The following PDZD8 variants were observed in gnomAD, a reference collection of about 807,000 sequenced individuals.
The protein encoded by PDZD8 is PDZ domain-containing protein 8.
In PDZD8, 14 loss-of-function variants were observed where a neutral mutation model predicts 85.8. That is an observed-to-expected ratio of 0.16 (90% CI 0.11 to 0.26). The LOEUF (loss-of-function observed/expected upper bound fraction) is 0.26, where lower values mean the gene tolerates loss of function less well. Ranked by LOEUF, PDZD8 falls within the 10% of genes least tolerant of loss-of-function variation. The pLI is 1.00. For missense variants in PDZD8, 1,197 were observed against 1,424.3 expected (o/e 0.84, Z 2.57); for synonymous variants, 592 against 568.6 (o/e 1.04, Z -0.59).
chr10:117,341,130 G>A, intron 1 of PDZD8, 28 bp from the exon 2 acceptor site: 1 of 1,604,592 alleles, frequency 6.2e-7, no homozygotes, highest in Non-Finnish European at 8.5e-7. Flanking sequence ...AAGTCTAAAT[G>A]TCTGAATAAT....
At chr10:117,294,909 A>T (rs1282673468) in intron 3 of PDZD8, among the ~76,000 whole-genome samples, 1 of 152,144 alleles carries the variant, frequency 6.6e-6, no homozygotes, top group Non-Finnish European at 1.5e-5. Context: ...TACAGTTAGG[A>T]GGTATAAGTT....
intron 3 of PDZD8, among the ~76,000 whole-genome samples, chr10:117,300,448 G>A (rs1843827114): frequency 1.3e-5 from 2 of 152,066 alleles, no homozygotes; most frequent in Middle Eastern, 3.2e-3. Context: ...ATTTTAAAAT[G>A]GTCTTCAAAA....
rs570411759 is a variant in PDZD8 at position 117,294,311 on chromosome 10, G to A, written c.1099-3963C>T. On this transcript the variant is annotated intron_variant, in intron 3 of 4. Coordinates refer to ENST00000334464, the MANE Select transcript of PDZD8 (RefSeq NM_173791.5). The stretch of plus-strand genomic sequence containing the variant: ...GAAGACACATATTACCAAATAAATG[G>A]CTATTACCAAAAAGACAAAAAAAAA... 3.0e-4 allele frequency among the ~76,000 whole-genome samples: 41 copies of A among 135,946 alleles called. 2 individuals carry two copies. The South Asian group carries it at 9.4e-3, about 31-fold the overall frequency. The allele number at this position is 135,946 out of a possible 152,430, so 89.2% of individuals were successfully genotyped here. A position where few individuals can be genotyped will look rare whatever the true frequency, so the allele number is the denominator to read the frequency against.
intron 2 of PDZD8, among the ~76,000 whole-genome samples, chr10:117,325,880 T>C (rs1434531385): frequency 3.3e-5 from 5 of 152,134 alleles, no homozygotes; most frequent in Non-Finnish European, 7.4e-5. Context: ...ATAATCCCTA[T>C]ATGTCAAGGG....
At chr10:117,286,551 C>T (rs772540295) in intron 4 of PDZD8, among the ~76,000 whole-genome samples, 12 of 152,218 alleles carry the variant, frequency 7.9e-5, no homozygotes, top group East Asian at 5.8e-4. Flanking sequence ...GCTTTAGACT[C>T]GGTCATCACT....
Position 117,375,173 on chromosome 10 carries a change from G to C in PDZD8, c.55C>G (p.Leu19Val). The change falls in exon 1 of 5, where the codon CTC (leucine) becomes GTC (valine). Residue 19 changes from leucine (L) to valine (V), a missense_variant. Leu to Val is a conservative substitution (Grantham distance 32, BLOSUM62 1). Coordinates refer to ENST00000334464, the MANE Select transcript of PDZD8 (RefSeq NM_173791.5). ...ASAVLGSFLT[L>V]LAQFFLLYRR... ...TACAGCAGGAAGAACTGGGCGAGGA[G>C]CGTGAGGAAGGAACCCAGCACGGCC... The C allele has an allele frequency of 6.3e-7, 1 of 1,581,540 alleles. No homozygotes were observed. The highest frequency in any genetic ancestry group is 8.5e-7 in the Non-Finnish European group (1 of 1,170,284).
chr10:117,335,429 C>T (rs1349792395), intron 2 of PDZD8, among the ~76,000 whole-genome samples: 1 of 152,210 alleles, frequency 6.6e-6, no homozygotes. Flanking sequence ...CAACCCACCA[C>T]TACCAAAGTT....
intron 2 of PDZD8, among the ~76,000 whole-genome samples, chr10:117,333,907 T>C (rs1844472751): frequency 6.6e-6 from 1 of 152,170 alleles, no homozygotes; most frequent in Non-Finnish European, 1.5e-5. Context: ...GTATTTCTGG[T>C]TCCAGAATGA....
Position 117,375,167 on chromosome 10 carries a change from C to T in PDZD8, c.61G>A (p.Ala21Thr). 1.3e-6 allele frequency: 2 copies of T among 1,583,350 alleles called. No individual in the cohort carries two copies. Among genetic ancestry groups the T allele is most frequent in the Non-Finnish European group, 8.5e-7 (1 of 1,171,258 alleles). ...CTGCGGTACAGCAGGAAGAACTGGG[C>T]GAGGAGCGTGAGGAAGGAACCCAGC... ...AVLGSFLTLLAQFFLLYRRQP... is the reference protein window; with the variant it reads ...AVLGSFLTLLTQFFLLYRRQP... The change falls in exon 1 of 5, where the codon GCC becomes ACC. Residue 21 changes from alanine (A) to threonine (T), a missense_variant. Ala to Thr is a moderately conservative substitution (Grantham distance 58). Transcript: ENST00000334464.
chr10:117,296,868 C>T (rs1051010130), intron 3 of PDZD8, among the ~76,000 whole-genome samples: 2 of 151,944 alleles, frequency 1.3e-5, no homozygotes, highest in African/African-American at 2.4e-5. Context: ...CTTTATGACA[C>T]TGAGTTGGGC....
intron 3 of PDZD8, among the ~76,000 whole-genome samples, chr10:117,316,230 A>AC (rs1844127200): frequency 6.6e-6 from 1 of 151,670 alleles, no homozygotes; most frequent in African/African-American, 2.4e-5. Context: ...AAATGAGCTA[A>AC]GCAGGGCACT....
chr10:117,305,379 C>T (rs1843917768), intron 3 of PDZD8, among the ~76,000 whole-genome samples: 1 of 151,902 alleles, frequency 6.6e-6, no homozygotes, highest in South Asian at 2.1e-4. Context: ...CACCACTGCA[C>T]TCCAGCCTGG....
intron 3 of PDZD8, among the ~76,000 whole-genome samples, chr10:117,306,227 TATA>T (rs1843941145): frequency 6.6e-6 from 1 of 152,150 alleles, no homozygotes; most frequent in Admixed American, 6.6e-5. Flanking sequence ...GATCTAGAAG[TATA>T]ATATCAAAAA....
intron 3 of PDZD8, among the ~76,000 whole-genome samples, chr10:117,294,213 A>G (rs1843713282): frequency 6.6e-6 from 1 of 152,104 alleles, no homozygotes; most frequent in South Asian, 2.1e-4. Flanking sequence ...AGAGAAATCA[A>G]TAAAAGCTGA....
Position 117,287,875 on chromosome 10 carries a change from C to T in PDZD8, c.1261+2311G>A, listed in dbSNP as rs150308629. The stretch of plus-strand genomic sequence containing the variant: ...ATTTATCTAGCTTTAAGTTCTACTA[C>T]GTCCTTCTAACCATACTATGTCTCA... On this transcript the variant is annotated intron_variant, in intron 4 of 4. Transcript: ENST00000334464. Among the ~76,000 whole-genome samples the T allele has an allele frequency of 2.1e-4, 32 of 152,310 alleles. No individual in the cohort carries two copies. In the East Asian group the frequency reaches 6.0e-3, roughly 28 times the overall value.
At position 117,280,845 on chromosome 10, in the gene PDZD8, C is replaced by G. The variant is rs957423435; in HGVS notation, c.*2423G>C. The G allele has an allele frequency of 3.9e-5, 6 of 152,212 alleles. No homozygotes were observed. The highest frequency in any genetic ancestry group is 1.4e-4 in the African/African-American group (6 of 41,438). 9.4% of individuals were successfully genotyped at this position (152,212 alleles called of 1,614,324 possible). On this transcript the variant is annotated 3_prime_UTR_variant, in exon 5 of 5. Transcript: ENST00000334464. Reference sequence around the variant, plus strand: ...TTTTGCATTATTTCAACAGCTCTTTCAAATGCATCAGTTTCAGCAACATGC... The same window carrying G: ...TTTTGCATTATTTCAACAGCTCTTTGAAATGCATCAGTTTCAGCAACATGC...
chr10:117,341,190 A>C (rs899663376), intron 1 of PDZD8, 88 bp from the exon 2 acceptor site: 1 of 1,394,774 alleles, frequency 7.2e-7, no homozygotes, highest in Non-Finnish European at 9.9e-7. Context: ...AAAAACACAA[A>C]GCAAAATGAA....
At chr10:117,313,589 T>C (rs1844074913) in intron 3 of PDZD8, among the ~76,000 whole-genome samples, 1 of 152,158 alleles carries the variant, frequency 6.6e-6, no homozygotes, top group Non-Finnish European at 1.5e-5. Flanking sequence ...TGACAAAATA[T>C]TCTCCTAGGA....
Position 117,282,748 on chromosome 10 carries a change from A to G in PDZD8, c.*520T>C, listed in dbSNP as rs1431886804. ...CAAAAAGCACCCCCAAACCCCCAAA[A>G]TAACAAAAATCTCAAGCAAGTAGAG... On this transcript the variant is annotated 3_prime_UTR_variant, in exon 5 of 5. Coordinates refer to ENST00000334464, the MANE Select transcript of PDZD8 (RefSeq NM_173791.5). The G allele has an allele frequency of 1.3e-5, 2 of 152,386 alleles. No homozygotes were observed. Among genetic ancestry groups the G allele is most frequent in the Admixed American group, 6.5e-5 (1 of 15,282 alleles). The allele number at this position is 152,386 out of a possible 1,614,324, so 9.4% of individuals were successfully genotyped here. A position where few individuals can be genotyped will look rare whatever the true frequency, so the allele number is the denominator to read the frequency against.
Sources: allele counts gnomAD v4.1 joint callset (sites outside exome capture counted in the v4.1 genomes callset), GRCh38; gene constraint gnomAD v4.1.1; transcripts MANE v1.5; gene names NCBI Gene and HGNC (gene_info 2026-07-23, HGNC 2026-07-21).